PTHLH: variants seen among roughly 807,000 people sequenced by gnomAD.
PTHLH encodes the protein parathyroid hormone like hormone.
Under a neutral mutation model 18.6 loss-of-function variants are expected in PTHLH, and 5 were observed. That is an observed-to-expected ratio of 0.27 (90% CI 0.14 to 0.56). The LOEUF is 0.56. Ranked by LOEUF, PTHLH falls within the 20% of genes least tolerant of loss-of-function variation. The pLI, the probability that PTHLH is intolerant of heterozygous loss-of-function variation, is 0.92. For synonymous variants in PTHLH, 90 were observed against 94.0 expected (o/e 0.96, Z 0.25); for missense variants, 207 against 223.9 (o/e 0.92, Z 0.48).
chr12:27,971,661 C>T (rs1226917244), intron 2 of PTHLH, among the ~76,000 whole-genome samples: 4 of 151,780 alleles, frequency 2.6e-5, no homozygotes, highest in African/African-American at 9.7e-5. Context: ...TTAAAGTTTA[C>T]TGCTTAGGTT....
At chr12:27,962,587 T>A (rs2062771581) in intron 5 of PTHLH, 6 of 985,524 alleles carry the variant, frequency 6.1e-6, no homozygotes, top group Non-Finnish European at 7.2e-6. Flanking sequence ...ACAAGCCACA[T>A]AAATGTGAAG....
At chr12:27,969,566 C>A (rs1384151368) in intron 3 of PTHLH, 50 bp from the exon 4 acceptor site, 1 of 1,380,498 alleles carries the variant, frequency 7.2e-7, no homozygotes, top group Non-Finnish European at 1.0e-6. Flanking sequence ...CTCTCCATCT[C>A]CCCGCACTAC....
intron 5 of PTHLH, among the ~76,000 whole-genome samples, chr12:27,961,408 C>T (rs776296817): frequency 8.2e-5 from 12 of 145,752 alleles, no homozygotes; most frequent in South Asian, 2.2e-4. Flanking sequence ...GTAGAGGATA[C>T]AATCAGAACT....
intron 5 of PTHLH, chr12:27,963,052 G>A (rs1451257427): frequency 7.8e-7 from 1 of 1,286,538 alleles, no homozygotes; most frequent in Non-Finnish European, 9.9e-7. Flanking sequence ...AGCTTCTGAA[G>A]CTTGAATATG....
intron 4 of PTHLH, chr12:27,969,169 C>T (rs26302): frequency 3.5e-6 from 2 of 578,120 alleles, no homozygotes; most frequent in Non-Finnish European, 6.2e-6. Flanking sequence ...TATGGAAACA[C>T]ACATAAAGTC....
intron 5 of PTHLH, among the ~76,000 whole-genome samples, chr12:27,960,717 CAAAA>C (rs146277675): frequency 6.2e-5 from 6 of 96,112 alleles, no homozygotes; most frequent in Non-Finnish European, 6.1e-5. Context: ...GACTCTGTCT[CAAAA>C]AAAAAAAAAA....
intron 5 of PTHLH, chr12:27,962,416 C>T (rs1356557259): frequency 2.2e-6 from 1 of 460,028 alleles, no homozygotes; most frequent in African/African-American, 2.1e-5. Context: ...GAGGTTGGTA[C>T]AATTATATTT....
rs148094002 is a variant in PTHLH at position 27,969,723 on chromosome 12, ACACAGC to A, written c.-22-213_-22-208del. 0.01 allele frequency: 7,519 copies of A among 742,534 alleles called. 194 individuals are homozygous for A. The highest frequency in any genetic ancestry group is 0.064 in the East Asian group (2,504 of 39,040). 46.0% of individuals were successfully genotyped at this position (742,534 alleles called of 1,614,324 possible). A position where few individuals can be genotyped will look rare whatever the true frequency, so the allele number is the denominator to read the frequency against. On this transcript the variant is annotated intron_variant, in intron 3 of 5. Coordinates refer to ENST00000545234, the MANE Select transcript of PTHLH (RefSeq NM_198965.2). The stretch of plus-strand genomic sequence containing the variant: ...ACTCCAACTGTGCTTTCTCCAAACC[ACACAGC>A]CAGAAAGAGCAAAAAGGGAAAAAAG...
chr12:27,962,026 T>C, intron 5 of PTHLH: 2 of 652,810 alleles, frequency 3.1e-6, no homozygotes, highest in African/African-American at 1.8e-5. Flanking sequence ...AAAAAATCAT[T>C]TCAATGGAAA....
At position 27,971,081 on chromosome 12, in the gene PTHLH, A is replaced by C. The variant is rs531153713; in HGVS notation, c.-265-814T>G. 1.1e-3 allele frequency among the ~76,000 whole-genome samples: 170 copies of C among 152,106 alleles called. 2 individuals are homozygous for C. Among genetic ancestry groups the C allele is most frequent in the African/African-American group, 4.0e-3 (165 of 41,528 alleles). On this transcript the variant is annotated intron_variant, in intron 2 of 5. Transcript: ENST00000545234. ...GGGGACCGACACTCCTGGAGCACGC[A>C]CACGGCCCTTTTCACTCATGGTCGG...
At chr12:27,969,038 T>C in intron 4 of PTHLH, 1 of 301,716 alleles carries the variant, frequency 3.3e-6, no homozygotes, top group Non-Finnish European at 6.4e-6. Context: ...ACCGCTCAGC[T>C]TCCTCCGAGT....
At chr12:27,964,346 A>C (rs968143356) in intron 4 of PTHLH, among the ~76,000 whole-genome samples, 1 of 152,062 alleles carries the variant, frequency 6.6e-6, no homozygotes, top group Non-Finnish European at 1.5e-5. Flanking sequence ...GTAAGAGTAA[A>C]AACAAACAAA....
intron 5 of PTHLH, among the ~76,000 whole-genome samples, chr12:27,959,776 C>T (rs1010374396): frequency 8.5e-5 from 13 of 152,086 alleles, no homozygotes; most frequent in Admixed American, 3.3e-4. Flanking sequence ...ATGTTAAAAT[C>T]GCTCCAACTG....
At chr12:27,961,750 C>T (rs2120618077) in intron 5 of PTHLH, 1 of 527,032 alleles carries the variant, frequency 1.9e-6, no homozygotes, top group East Asian at 3.1e-5. Context: ...AGCTGTACTA[C>T]TTATCCCATA....
chr12:27,962,693 TAC>T, intron 5 of PTHLH: 1 of 984,072 alleles, frequency 1.0e-6, no homozygotes, highest in Non-Finnish European at 1.2e-6. Flanking sequence ...TGTAAGTTAA[TAC>T]TTAAACATTT....
chr12:27,971,824 C>T (rs1368678588), intron 2 of PTHLH, 103 bp downstream of exon 2: 1 of 152,086 alleles, frequency 6.6e-6, no homozygotes, highest in Admixed American at 6.6e-5. Context: ...CACTCTCTCT[C>T]TGGGAATTTC....
chr12:27,969,906 CCG>C (rs2120674649), intron 3 of PTHLH, 117 bp downstream of exon 3: 1 of 521,034 alleles, frequency 1.9e-6, no homozygotes, highest in African/African-American at 1.9e-5. Flanking sequence ...ACAGGGCTAA[CCG>C]CCTCCTAAAA....
chr12:27,969,970 G>A (rs758303181), intron 3 of PTHLH, 55 bp downstream of exon 3: 1 of 519,122 alleles, frequency 1.9e-6, no homozygotes, highest in South Asian at 1.4e-5. Context: ...AGGCCCTTTC[G>A]TTCCAGAGCC....
chr12:27,968,540 G>A (rs1157634974), intron 4 of PTHLH, among the ~76,000 whole-genome samples: 1 of 152,088 alleles, frequency 6.6e-6, no homozygotes, highest in Non-Finnish European at 1.5e-5. Context: ...GAACTGCTAG[G>A]TCCAACAGAT....
Sources: allele counts gnomAD v4.1 joint callset (sites outside exome capture counted in the v4.1 genomes callset), GRCh38; gene constraint gnomAD v4.1.1; transcripts MANE v1.5; gene names NCBI Gene and HGNC (gene_info 2026-07-23, HGNC 2026-07-21).